NSUN6: variants seen among roughly 807,000 people sequenced by gnomAD.
NSUN6 encodes NOP2/Sun RNA methyltransferase 6, also known as tRNA (cytosine(72)-C(5))-methyltransferase NSUN6.
In NSUN6, 64 loss-of-function variants were observed where a neutral mutation model predicts 58.0. The observed-to-expected ratio is 1.10, with a 90% confidence interval of 0.90 to 1.36. The LOEUF is 1.36. Ranked by LOEUF, NSUN6 falls within the 40% of genes most tolerant of loss-of-function variation. The pLI is 0.00. For synonymous variants in NSUN6, 231 were observed against 193.9 expected (o/e 1.19, Z -1.59); for missense variants, 701 against 550.1 (o/e 1.27, Z -2.74).
Position 18,596,342 on chromosome 10 carries a change from A to G in NSUN6, c.658-15T>C. ...GATGGCAAATTCTATAAGGAAAAAA[A>G]TGTAATCGATTATCAATAATCCTAA... On this transcript the variant is annotated splice_polypyrimidine_tract_variant and intron_variant, in intron 6 of 10. Transcript: ENST00000377304. 6.6e-7 allele frequency: 1 copy of G among 1,521,526 alleles called. No homozygotes were observed. Among genetic ancestry groups the G allele is most frequent in the Non-Finnish European group, 9.1e-7 (1 of 1,096,690 alleles). The allele number at this position is 1,521,526 out of a possible 1,614,324, so 94.3% of individuals were successfully genotyped here.
rs377556249 is a variant in NSUN6 at position 18,627,700 on chromosome 10, C to T, written c.312-11407G>A. On this transcript the variant is annotated intron_variant, in intron 3 of 10. Coordinates refer to ENST00000377304, the MANE Select transcript of NSUN6 (RefSeq NM_182543.5). ...CTCCCACCCCAATACCGCGCTTTTC[C>T]GATTGGCTTAAAAACCGGAGCACCA... Among the ~76,000 whole-genome samples, 6 of 152,366 alleles carry T rather than the reference C, an allele frequency of 3.9e-5. No homozygotes were observed. The East Asian group carries it at 5.8e-4, about 15-fold the overall frequency.
rs187544330 is a variant in NSUN6, at chr10:18,618,973, A to G, written c.312-2680T>C. On this transcript the variant is annotated intron_variant, in intron 3 of 10. Coordinates refer to ENST00000377304, the MANE Select transcript of NSUN6 (RefSeq NM_182543.5). ...TCATTTTAAGAAAACTGTTTTGTCT[A>G]CAGCCATATCACTCTGAACATGCCC... Among the ~76,000 whole-genome samples, 829 of 152,256 alleles carry G rather than the reference A, an allele frequency of 5.4e-3. 8 individuals are homozygous for G. Among genetic ancestry groups the G allele is most frequent in the African/African-American group, 0.016 (673 of 41,538 alleles).
chr10:18,560,558 TGAATA>T (rs1349117468), intron 8 of NSUN6, among the ~76,000 whole-genome samples: 2 of 133,706 alleles, frequency 1.5e-5, no homozygotes, highest in Non-Finnish European at 3.2e-5. Context: ...AATGCAGTGG[TGAATA>T]GAATGGAATG....
Position 18,551,970 on chromosome 10 carries a change from TC to T in NSUN6, c.923del (p.Gly308GlufsTer34). 6.3e-7 allele frequency: 1 copy of T among 1,590,098 alleles called. No homozygotes were observed. Among genetic ancestry groups the T allele is most frequent in the Admixed American group, 1.7e-5 (1 of 59,364 alleles). The stretch of plus-strand genomic sequence containing the variant: ...AGGATTCTGGTAGAAATGGAGGTTC[TC>T]CTATAAAGAGAATTATAATCATGTT... ...VKLDMVEDTE[G>X]EPPFLPESFD... is the part of the protein sequence containing the mutation. On this transcript the variant is annotated frameshift_variant and splice_region_variant, in exon 9 of 11. Transcript: ENST00000377304. LOFTEE classifies it high-confidence loss of function.
intron 8 of NSUN6, among the ~76,000 whole-genome samples, chr10:18,570,613 A>C (rs1265181624): frequency 7.5e-6 from 1 of 132,848 alleles, no homozygotes; most frequent in Admixed American, 7.3e-5. Context: ...TGTCCATTCC[A>C]TTCCATTCTC....
intron 7 of NSUN6, among the ~76,000 whole-genome samples, chr10:18,591,891 T>G (rs1201648837): frequency 1.3e-5 from 2 of 152,010 alleles, no homozygotes; most frequent in Non-Finnish European, 2.9e-5. Context: ...GAGAAAGAAA[T>G]AAAGAGTATT....
At chr10:18,600,919 C>A (rs1164354954) in intron 6 of NSUN6, among the ~76,000 whole-genome samples, 1 of 48,620 alleles carries the variant, frequency 2.1e-5, no homozygotes, top group South Asian at 7.7e-4. Context: ...AAGAGCAAGA[C>A]TCCATCTCAA....
chr10:18,598,149 T>C (rs2057667987), intron 6 of NSUN6, among the ~76,000 whole-genome samples: 1 of 152,228 alleles, frequency 6.6e-6, no homozygotes. Context: ...TCCCCCACCC[T>C]TAAGAAGGTT....
intron 8 of NSUN6, among the ~76,000 whole-genome samples, chr10:18,573,844 T>A (rs1430286712): frequency 6.6e-6 from 1 of 152,094 alleles, no homozygotes; most frequent in African/African-American, 2.4e-5. Flanking sequence ...TGCCTCAAAC[T>A]AAACAAGAAC....
At chr10:18,627,808 T>C (rs1038709212) in intron 3 of NSUN6, among the ~76,000 whole-genome samples, 13 of 152,306 alleles carry the variant, frequency 8.5e-5, no homozygotes, top group South Asian at 2.1e-4. Context: ...GATCAAACTG[T>C]AAGGCGGCAG....
In NSUN6 at chr10:18,546,027, A is replaced by G. The variant is rs2054234315; in HGVS notation, c.1316T>C (p.Leu439Pro). ...CATGTCTTCTCTTCTGGCCTCTCTA[A>G]GAGAGTCCATGTCAGTGTCCGGTAA... ...VPLPDTDMDS[L>P]REARREDMLR... is the part of the protein sequence containing the mutation. The change falls in exon 11 of 11, where the codon CTT becomes CCT. Residue 439 changes from leucine to proline, a missense_variant. By Grantham distance (98) the Leu-to-Pro change is moderately conservative (BLOSUM62 -3). Coordinates refer to ENST00000377304, the MANE Select transcript of NSUN6 (RefSeq NM_182543.5). The G allele has an allele frequency of 6.3e-7, 1 of 1,597,560 alleles. No homozygotes were observed. The highest frequency in any genetic ancestry group is 1.4e-5 in the African/African-American group (1 of 73,936).
rs1234394196 is a variant in NSUN6, at chr10:18,568,873, C to A, written c.923-16902G>T. On this transcript the variant is annotated intron_variant, in intron 8 of 10. Transcript: ENST00000377304. ...ACATTCAATTCCTTTCTATTCTCCA[C>A]TCTCCATTCTGTTCCATTCCAATCC... is the stretch of plus-strand genomic sequence containing the variant. Among the ~76,000 whole-genome samples, 11 of 149,152 alleles carry A rather than the reference C, an allele frequency of 7.4e-5. No homozygotes were observed. In the Admixed American group the frequency reaches 7.4e-4, roughly 10 times the overall value.
rs765592458 is a variant in NSUN6, at chr10:18,609,872, A to G, written c.630T>C (p.Ser210=). Residue 210 remains serine (S), a synonymous_variant, in exon 6 of 11, where the codon AGT becomes AGC. Coordinates refer to ENST00000377304, the MANE Select transcript of NSUN6 (RefSeq NM_182543.5). ...EPVYLSPSFD[S]VLPRYLFLQN... ...GTAAAAATAAGTAACGGGGCAGTAC[A>G]CTGTCAAATGAAGGGCTGAGATATA... 1.2e-6 allele frequency: 2 copies of G among 1,600,836 alleles called. No individual in the cohort carries two copies. The highest frequency in any genetic ancestry group is 1.7e-5 in the Admixed American group (1 of 59,994).
intron 3 of NSUN6, among the ~76,000 whole-genome samples, chr10:18,629,319 A>G (rs1424125549): frequency 1.3e-5 from 2 of 152,204 alleles, no homozygotes; most frequent in Non-Finnish European, 2.9e-5. Context: ...TGTAAAGACC[A>G]TCAAGACTAG....
chr10:18,651,635 GC>G (rs1473755196), upstream of NSUN6: 37 of 985,998 alleles, frequency 3.8e-5, no homozygotes, highest in Non-Finnish European at 4.5e-5. Context: ...GTCGCTTCCG[GC>G]TTACGTCACG....
chr10:18,558,409 T>C (rs1268938224), intron 8 of NSUN6, among the ~76,000 whole-genome samples: 2 of 145,718 alleles, frequency 1.4e-5, no homozygotes, highest in Admixed American at 7.0e-5. Context: ...TAGAATGAAA[T>C]GGAGAATGGA....
chr10:18,557,561 G>A (rs759396792), intron 8 of NSUN6, among the ~76,000 whole-genome samples: 8 of 151,140 alleles, frequency 5.3e-5, no homozygotes, highest in Non-Finnish European at 3.0e-5. Flanking sequence ...ATGGAGAATG[G>A]AATGGACAGT....
rs34407644 is a variant in NSUN6, at chr10:18,545,728, AT to A, written c.*204del. 0.17 allele frequency: 80,538 copies of A among 484,770 alleles called. 4,318 individuals are homozygous for A. Among genetic ancestry groups the A allele is most frequent in the Admixed American group, 0.27 (6,879 of 25,356 alleles). 30.0% of individuals were successfully genotyped at this position (484,770 alleles called of 1,614,324 possible). ...TCTACTAAATACATAAAAAAAAAAA[AT>A]CTTTTAAAAACAGAAAATATAATCT... is the stretch of plus-strand genomic sequence containing the variant. On this transcript the variant is annotated 3_prime_UTR_variant, in exon 11 of 11. Coordinates refer to ENST00000377304, the MANE Select transcript of NSUN6 (RefSeq NM_182543.5).
chr10:18,639,240 A>T (rs10829060), intron 3 of NSUN6, among the ~76,000 whole-genome samples: 52,811 of 152,090 alleles, frequency 0.35, 9,732 homozygotes, highest in East Asian at 0.73. Context: ...CACACCTGTA[A>T]TCCCAGCACT....
Sources: gnomAD v4.1 joint callset for allele counts (sites outside exome capture counted in the v4.1 genomes callset) on GRCh38, gnomAD v4.1.1 for gene constraint, MANE v1.5 for transcripts, NCBI Gene and HGNC (gene_info 2026-07-23, HGNC 2026-07-21) for gene names.